PDE9A: variants seen among roughly 807,000 people sequenced by gnomAD.
PDE9A encodes the protein phosphodiesterase 9A.
A neutral mutation model predicts 87.4 loss-of-function variants in PDE9A; 60 were observed. The observed-to-expected ratio is 0.69, with a 90% CI of 0.56 to 0.85. PDE9A has a LOEUF of 0.85. Ranked by LOEUF, PDE9A falls within the 40% of genes least tolerant of loss-of-function variation. The probability of loss-of-function intolerance (pLI) is 0.00; values close to 1 mark genes in which losing one functional copy is unlikely to be tolerated. For synonymous variants in PDE9A, 272 were observed against 279.4 expected (o/e 0.97, Z 0.27); for missense variants, 665 against 779.0 (o/e 0.85, Z 1.74).
chr21:42,690,224 G>A (rs1032031350), intron 3 of PDE9A: 25 of 533,378 alleles, frequency 4.7e-5, no homozygotes, highest in South Asian at 9.1e-5. Flanking sequence ...AGGTAGACGC[G>A]GATGAGGATA....
chr21:42,670,774 C>G (rs987559535), intron 1 of PDE9A, among the ~76,000 whole-genome samples: 25 of 149,386 alleles, frequency 1.7e-4, no homozygotes, highest in African/African-American at 5.7e-4. Flanking sequence ...CGCACATACA[C>G]TCTGACACAC....
intron 8 of PDE9A, 39 bp from the exon 9 acceptor site, chr21:42,751,077 A>G: frequency 7.5e-7 from 1 of 1,335,538 alleles, no homozygotes; most frequent in Non-Finnish European, 1.1e-6. Context: ...CCAGACTGAA[A>G]CAGCAGGACC....
At position 42,706,855 on chromosome 21, in the gene PDE9A, G is replaced by A. The variant is rs140336101; in HGVS notation, c.262+7844G>A. Among the ~76,000 whole-genome samples the A allele has an allele frequency of 1.5e-3, 233 of 151,812 alleles. 3 individuals carry two copies. Among genetic ancestry groups the A allele is most frequent in the African/African-American group, 5.2e-3 (214 of 41,360 alleles). On this transcript the variant is annotated intron_variant, in intron 4 of 19. Coordinates refer to ENST00000291539, the MANE Select transcript of PDE9A (RefSeq NM_002606.3). The stretch of plus-strand genomic sequence containing the variant: ...TCTGACCTTTCACATAACAGAATCC[G>A]TGGCCTTTCCAGCCTGGCTTCTTCC...
At chr21:42,668,081 G>C (rs1051600105) in intron 1 of PDE9A, among the ~76,000 whole-genome samples, 1 of 152,038 alleles carries the variant, frequency 6.6e-6, no homozygotes, top group African/African-American at 2.4e-5. Context: ...CTTTCCCATG[G>C]TTTCCTCTAA....
At chr21:42,753,954 G>A (rs372410818) in intron 9 of PDE9A, 36 bp from the exon 10 acceptor site, 55 of 1,254,524 alleles carry the variant, frequency 4.4e-5, no homozygotes, top group African/African-American at 3.1e-4. Context: ...ACAGGCCCAC[G>A]GCGCCTGGTT....
chr21:42,721,842 C>A (rs1216561389), intron 4 of PDE9A, among the ~76,000 whole-genome samples: 1 of 143,520 alleles, frequency 7.0e-6, no homozygotes, highest in Non-Finnish European at 1.5e-5. Context: ...CCTGCTCCCA[C>A]CCCCCACAAT....
At chr21:42,740,602 G>T (rs62213388) in intron 7 of PDE9A, among the ~76,000 whole-genome samples, 1 of 106,876 alleles carries the variant, frequency 9.4e-6, no homozygotes, top group Non-Finnish European at 2.0e-5. Flanking sequence ...TGGATGGATG[G>T]ATGGATGGAT....
intron 1 of PDE9A, among the ~76,000 whole-genome samples, chr21:42,674,316 C>CTTT (rs34238765): frequency 0.23 from 30,275 of 134,350 alleles, 4,399 homozygotes; most frequent in African/African-American, 0.39. Flanking sequence ...TTTAGACATT[C>CTTT]TTTTTTTTTT....
At chr21:42,657,283 G>T (rs2057149916) in intron 1 of PDE9A, among the ~76,000 whole-genome samples, 1 of 152,242 alleles carries the variant, frequency 6.6e-6, no homozygotes, top group South Asian at 2.1e-4. Context: ...AGGGTGCACA[G>T]ATCAGGACTT....
At chr21:42,771,528 G>A (rs1008962994) in intron 18 of PDE9A, among the ~76,000 whole-genome samples, 4 of 152,224 alleles carry the variant, frequency 2.6e-5, no homozygotes, top group Admixed American at 6.5e-5. Flanking sequence ...GCCTTGGCCG[G>A]TGTTGCCTCT....
intron 1 of PDE9A, among the ~76,000 whole-genome samples, chr21:42,677,645 C>CTT (rs3841782): frequency 2.0e-5 from 3 of 147,996 alleles, no homozygotes; most frequent in Middle Eastern, 3.6e-3. Flanking sequence ...ATCCAGTTAT[C>CTT]TTTTTTTTTT....
rs1192378533 is a variant in PDE9A at position 42,768,776 on chromosome 21, C to T, written c.1462-251C>T. ...GAGGCTTTCTGCAGGACGCTGCTGC[C>T]GTCCTGGGATACATCCATCCAACTC... is the stretch of plus-strand genomic sequence containing the variant. On this transcript the variant is annotated intron_variant, in intron 16 of 19. Coordinates refer to ENST00000291539, the MANE Select transcript of PDE9A (RefSeq NM_002606.3). 10 of 985,296 alleles carry T rather than the reference C, an allele frequency of 1.0e-5. No individual in the cohort carries two copies. The South Asian group carries it at 1.4e-4, about 14-fold the overall frequency. 61.0% of individuals were successfully genotyped at this position (985,296 alleles called of 1,614,324 possible).
intron 19 of PDE9A, among the ~76,000 whole-genome samples, chr21:42,774,491 G>C (rs2068454276): frequency 6.6e-6 from 1 of 152,164 alleles, no homozygotes; most frequent in African/African-American, 2.4e-5. Flanking sequence ...TTTTAAGTCA[G>C]TTCATATTTT....
intron 4 of PDE9A, among the ~76,000 whole-genome samples, chr21:42,728,638 T>C (rs1048518851): frequency 2.3e-4 from 35 of 152,318 alleles, no homozygotes; most frequent in Admixed American, 2.2e-3. Flanking sequence ...TGAGGGATGT[T>C]GGCATGTAGT....
chr21:42,685,467 C>CTTT lies in PDE9A; in HGVS notation c.70-711_70-709dup, dbSNP rs765252066. On this transcript the variant is annotated intron_variant, in intron 1 of 19. Transcript: ENST00000291539. The stretch of plus-strand genomic sequence containing the variant: ...CAGTCCCCAAATACCGAAAGGCAGT[C>CTTT]TTTTTTTTTTTTTTTTGAGACGGAG... Among the ~76,000 whole-genome samples, 83 of 115,942 alleles carry CTTT rather than the reference C, an allele frequency of 7.2e-4. 1 individual carries two copies. Among genetic ancestry groups the CTTT allele is most frequent in the African/African-American group, 2.6e-3 (73 of 28,054 alleles). The allele number at this position is 115,942 out of a possible 152,430, so 76.1% of individuals were successfully genotyped here. A position where few individuals can be genotyped will look rare whatever the true frequency, so the allele number is the denominator to read the frequency against.
At position 42,739,693 on chromosome 21, in the gene PDE9A, T is replaced by C. The variant is rs1485062234; in HGVS notation, c.569-4083T>C. 6.6e-6 allele frequency among the ~76,000 whole-genome samples: 1 copy of C among 151,372 alleles called. No homozygotes were observed. The highest frequency in any genetic ancestry group is 2.4e-5 in the African/African-American group (1 of 41,134). On this transcript the variant is annotated intron_variant, in intron 7 of 19. Coordinates refer to ENST00000291539, the MANE Select transcript of PDE9A (RefSeq NM_002606.3). The surrounding 1 kb of genome is among the most constrained non-coding windows in gnomAD (Gnocchi z 4.1). ...AGGCTTAATTTTAACATCACCTCAA[T>C]AGGTAGCCAGGGAAGCGGATCTCGG... is the stretch of plus-strand genomic sequence containing the variant.
Position 42,762,156 on chromosome 21 carries a change from G to A in PDE9A, c.1159G>A (p.Ala387Thr), listed in dbSNP as rs140134669. ...CTCACCGCTGGAGAACCACCACTGC[G>A]CCGTGGCCTTCCAGATCCTCGCCGA... ...DISPLENHHC[A>T]VAFQILAEPE... Residue 387 changes from alanine (A) to threonine (T), a missense_variant, in exon 14 of 20, where the codon GCC (alanine) becomes ACC (threonine). Transcript: ENST00000291539. 7 of 1,614,142 alleles carry A rather than the reference G, an allele frequency of 4.3e-6. No homozygotes were observed. Among genetic ancestry groups the A allele is most frequent in the East Asian group, 4.5e-5 (2 of 44,872 alleles).
chr21:42,685,739 A>T lies in PDE9A; in HGVS notation c.70-453A>T, dbSNP rs377486619. Among the ~76,000 whole-genome samples, 20 of 152,262 alleles carry T rather than the reference A, an allele frequency of 1.3e-4. No homozygotes were observed. The South Asian group carries it at 1.9e-3, about 14-fold the overall frequency. ...CGCCTCTGCCTCCCAAAGTGCTGGGATTACAGGCGTGAGCCACCGCGCCCG... is the reference window on the plus strand; with the variant it reads ...CGCCTCTGCCTCCCAAAGTGCTGGGTTTACAGGCGTGAGCCACCGCGCCCG... On this transcript the variant is annotated intron_variant, in intron 1 of 19. Transcript: ENST00000291539.
intron 3 of PDE9A, chr21:42,690,039 G>A (rs1000862147): frequency 8.1e-6 from 8 of 985,266 alleles, no homozygotes; most frequent in East Asian, 1.1e-4. Flanking sequence ...AGACAGACGC[G>A]GATGAGGATA....
Sources: gnomAD v4.1 joint callset for allele counts (sites outside exome capture counted in the v4.1 genomes callset) on GRCh38, gnomAD v4.1.1 for gene constraint, Gnocchi (gnomAD v3.1) non-coding constraint, MANE v1.5 for transcripts, NCBI Gene and HGNC (gene_info 2026-07-23, HGNC 2026-07-21) for gene names.